SYNJ2: variants seen among roughly 807,000 people sequenced by gnomAD.
SYNJ2 encodes the protein polyphosphatidylinositol phosphatase SYNJ2.
SYNJ2 carries 116 observed loss-of-function variants against 141.3 expected under a neutral mutation model. That is an observed-to-expected ratio of 0.82 (90% confidence interval 0.71 to 0.96). The LOEUF (loss-of-function observed/expected upper bound fraction) is 0.96, where lower values mean the gene tolerates loss of function less well. SYNJ2 is among the 40% of genes least tolerant of loss of function. SYNJ2 has a pLI of 0.00. For synonymous variants in SYNJ2, 745 were observed against 777.7 expected (o/e 0.96, Z 0.70); for missense variants, 1,873 against 1,934.8 (o/e 0.97, Z 0.60).
chr6:158,072,623 A>G (rs760495470), intron 15 of SYNJ2, among the ~76,000 whole-genome samples: 5 of 152,158 alleles, frequency 3.3e-5, no homozygotes, highest in Non-Finnish European at 5.9e-5. Flanking sequence ...ACTCAAGGCA[A>G]AATTTCCTTA....
chr6:158,084,220 C>G lies in SYNJ2; in HGVS notation c.3208+46C>G. The G allele has an allele frequency of 1.9e-6, 3 of 1,584,420 alleles. No individual in the cohort carries two copies. Among genetic ancestry groups the G allele is most frequent in the Non-Finnish European group, 2.6e-6 (3 of 1,163,934 alleles). On this transcript the variant is annotated intron_variant, in intron 22 of 26. Coordinates refer to ENST00000355585, the MANE Select transcript of SYNJ2 (RefSeq NM_003898.4). This position sits in a 1 kb window ranked among gnomAD's most constrained non-coding sequence, Gnocchi z 5.0. The stretch of plus-strand genomic sequence containing the variant: ...TCAGGAGCCTCAGCGATGGAGTCAG[C>G]TCAGGACAGACTTTCCTTTTTCTCT...
Position 158,093,253 on chromosome 6 carries a change from G to C in SYNJ2, c.3744+149G>C, listed in dbSNP as rs915143748. Reference sequence around the variant, plus strand: ...GTTCAAGACCAGCCTGACCAACATGGTGTGAAACCCCGTCTCTACTAAAAA... The same window carrying C: ...GTTCAAGACCAGCCTGACCAACATGCTGTGAAACCCCGTCTCTACTAAAAA... On this transcript the variant is annotated intron_variant, in intron 26 of 26. Coordinates refer to ENST00000355585, the MANE Select transcript of SYNJ2 (RefSeq NM_003898.4). 9 of 838,068 alleles carry C rather than the reference G, an allele frequency of 1.1e-5. No individual in the cohort carries two copies. The African/African-American group carries it at 1.6e-4, about 15-fold the overall frequency. The allele number at this position is 838,068 out of a possible 1,614,324, so 51.9% of individuals were successfully genotyped here.
At position 158,096,306 on chromosome 6, in the gene SYNJ2, T is replaced by A; in HGVS notation, c.4433T>A (p.Ile1478Asn). 1 of 1,613,664 alleles carries A rather than the reference T, an allele frequency of 6.2e-7. No homozygotes were observed. The highest frequency in any genetic ancestry group is 8.5e-7 in the Non-Finnish European group (1 of 1,179,928). The change falls in exon 27 of 27, where the codon ATC (isoleucine) becomes AAC (asparagine). Residue 1478 changes from isoleucine to asparagine, a missense_variant. Transcript: ENST00000355585. ...AAAACCTTAGGTCACTGGGTGACAA[T>A]CAGTGACCAAGAAAAGAGGACAGCA... Reference protein sequence around the residue: ...EHKTLGHWVTISDQEKRTALQ... With the variant: ...EHKTLGHWVTNSDQEKRTALQ...
chr6:158,035,788 A>G (rs910556642), intron 4 of SYNJ2, among the ~76,000 whole-genome samples: 1 of 152,140 alleles, frequency 6.6e-6, no homozygotes, highest in Non-Finnish European at 1.5e-5. Flanking sequence ...TTTGTCATAA[A>G]TGGCTCTTAT....
chr6:158,053,472 T>C (rs1780678562), intron 5 of SYNJ2, among the ~76,000 whole-genome samples: 1 of 152,170 alleles, frequency 6.6e-6, no homozygotes, highest in South Asian at 2.1e-4. Context: ...CTTGGTATTC[T>C]ACTATAGAGC....
At chr6:158,079,261 G>A (rs1782521897) in intron 18 of SYNJ2, 1 of 152,136 alleles carries the variant, frequency 6.6e-6, no homozygotes, top group South Asian at 2.1e-4. Flanking sequence ...GGCATTTGAG[G>A]GTGTGAAGAA....
intron 1 of SYNJ2, among the ~76,000 whole-genome samples, chr6:158,007,639 G>GTTTTGT (rs757416961): frequency 6.6e-6 from 1 of 152,130 alleles, no homozygotes. Context: ...TTGTGGTTGT[G>GTTTTGT]TTTTGTTTTT....
Position 158,033,606 on chromosome 6 carries a change from C to T in SYNJ2, c.637C>T (p.Arg213Cys), listed in dbSNP as rs200442289. The T allele has an allele frequency of 2.7e-5, 44 of 1,613,776 alleles. No individual in the cohort carries two copies. Among genetic ancestry groups the T allele is most frequent in the East Asian group, 2.5e-4 (11 of 44,876 alleles). ...ACLVSRVSCERTGTRFHTRGV... is the reference protein window; with the variant it reads ...ACLVSRVSCECTGTRFHTRGV... ...CCTCGTCTCTCGCGTTAGCTGTGAGCGCACAGGCACTCGCTTCCACACCCG... is the reference window on the plus strand; with the variant it reads ...CCTCGTCTCTCGCGTTAGCTGTGAGTGCACAGGCACTCGCTTCCACACCCG... The change falls in exon 4 of 27, where the codon CGC becomes TGC. Residue 213 changes from arginine (R) to cysteine (C), a missense_variant. Coordinates refer to ENST00000355585, the MANE Select transcript of SYNJ2 (RefSeq NM_003898.4).
chr6:158,069,916 T>TA (rs1467564988), intron 14 of SYNJ2, among the ~76,000 whole-genome samples: 3 of 152,234 alleles, frequency 2.0e-5, no homozygotes, highest in Non-Finnish European at 2.9e-5. Context: ...GAAAGGGTGT[T>TA]ACATGATTGT....
At position 158,097,928 on chromosome 6, in the gene SYNJ2, T is replaced by A. The variant is rs1204573079; in HGVS notation, c.*1564T>A. On this transcript the variant is annotated 3_prime_UTR_variant, in exon 27 of 27. Transcript: ENST00000355585. ...GTCATAAAAGGCGGTGTTTAGGTGA[T>A]CAGGATGCCGTTGGTGGCATTTACG... 1 of 151,664 alleles carries A rather than the reference T, an allele frequency of 6.6e-6. No individual in the cohort carries two copies. Among genetic ancestry groups the A allele is most frequent in the East Asian group, 1.9e-4 (1 of 5,182 alleles). 9.4% of individuals were successfully genotyped at this position (151,664 alleles called of 1,614,324 possible).
chr6:158,050,511 G>A (rs1780510415), intron 5 of SYNJ2, among the ~76,000 whole-genome samples: 2 of 152,216 alleles, frequency 1.3e-5, no homozygotes, highest in Admixed American at 6.5e-5. Flanking sequence ...CACTGCAGGG[G>A]ATATTGACCA....
intron 6 of SYNJ2, 76 bp from the exon 7 acceptor site, chr6:158,059,181 C>T: frequency 1.4e-6 from 2 of 1,393,010 alleles, no homozygotes; most frequent in South Asian, 1.6e-5. Context: ...CCCCGTCTTC[C>T]CTTGAGGGGC....
chr6:158,082,447 A>G (rs535956850), intron 20 of SYNJ2, among the ~76,000 whole-genome samples: 2 of 139,156 alleles, frequency 1.4e-5, no homozygotes, highest in African/African-American at 5.5e-5. Context: ...AGATCGCACC[A>G]TTGCACTCCA....
chr6:158,091,533 G>T (rs1783451276), intron 25 of SYNJ2, among the ~76,000 whole-genome samples: 2 of 151,670 alleles, frequency 1.3e-5, no homozygotes, highest in African/African-American at 4.8e-5. Flanking sequence ...CGGATCACGA[G>T]GTTAGGAGAT....
chr6:158,094,394 C>CAAAAAA (rs532980446), intron 26 of SYNJ2, among the ~76,000 whole-genome samples: 6 of 72,950 alleles, frequency 8.2e-5, no homozygotes, highest in African/African-American at 2.7e-4. Flanking sequence ...TACGGCTGGG[C>CAAAAAA]AAAAAAAAAA....
At chr6:158,003,042 G>C (rs889066141) in intron 1 of SYNJ2, among the ~76,000 whole-genome samples, 3 of 152,232 alleles carry the variant, frequency 2.0e-5, no homozygotes, top group Admixed American at 6.5e-5. Context: ...TGCTGGGAAA[G>C]GGGGAGGACC....
chr6:158,035,182 A>G (rs969506073), intron 4 of SYNJ2, among the ~76,000 whole-genome samples: 1 of 152,184 alleles, frequency 6.6e-6, no homozygotes, highest in African/African-American at 2.4e-5. Flanking sequence ...TTGGTTCCAT[A>G]TGAATTTTAA....
At chr6:158,039,313 G>A (rs1037146319) in intron 4 of SYNJ2, among the ~76,000 whole-genome samples, 4 of 152,232 alleles carry the variant, frequency 2.6e-5, no homozygotes, top group South Asian at 2.1e-4. Context: ...CTGGCTCTGC[G>A]GCCACCTGCT....
chr6:158,052,040 C>G (rs930163756), intron 5 of SYNJ2, among the ~76,000 whole-genome samples: 1 of 152,074 alleles, frequency 6.6e-6, no homozygotes, highest in East Asian at 1.9e-4. Context: ...TGCTGAGAAA[C>G]CAGTTCTCTA....
Sources: gnomAD v4.1 joint callset for allele counts (sites outside exome capture counted in the v4.1 genomes callset) on GRCh38, gnomAD v4.1.1 for gene constraint, Gnocchi (gnomAD v3.1) non-coding constraint, MANE v1.5 for transcripts, NCBI Gene and HGNC (gene_info 2026-07-23, HGNC 2026-07-21) for gene names.